The following SLC1A2 variants were observed in gnomAD, a reference collection of about 807,000 sequenced individuals.
SLC1A2 encodes the protein solute carrier family 1 member 2.
A neutral mutation model predicts 48.8 loss-of-function variants in SLC1A2; 15 were observed. The ratio of observed to expected loss-of-function variants is 0.31; its 90% CI spans 0.21 to 0.47. The LOEUF (loss-of-function observed/expected upper bound fraction) is 0.47, where lower values mean the gene tolerates loss of function less well. Ranked by LOEUF, SLC1A2 falls within the 20% of genes least tolerant of loss-of-function variation. The probability of loss-of-function intolerance (pLI) is 0.99; values close to 1 mark genes in which losing one functional copy is unlikely to be tolerated. For synonymous variants in SLC1A2, 279 were observed against 272.6 expected (o/e 1.02, Z -0.23); for missense variants, 502 against 730.5 (o/e 0.69, Z 3.61).
chr11:35,302,044 T>C (rs1231569067), intron 5 of SLC1A2, among the ~76,000 whole-genome samples: 1 of 152,226 alleles, frequency 6.6e-6, no homozygotes, highest in African/African-American at 2.4e-5. Flanking sequence ...GGAGCCAATA[T>C]TGGAATAGCA....
chr11:35,315,290 T>G, intron 2 of SLC1A2, 115 bp from the exon 3 acceptor site: 1 of 692,670 alleles, frequency 1.4e-6, no homozygotes, highest in South Asian at 2.0e-5. Flanking sequence ...TATTAAATGA[T>G]GAACAATGTG....
chr11:35,361,384 T>C lies in SLC1A2; in HGVS notation c.18-43868A>G, dbSNP rs1437653076. On this transcript the variant is annotated intron_variant, in intron 1 of 10. Coordinates refer to ENST00000278379, the MANE Select transcript of SLC1A2 (RefSeq NM_004171.4). ...TTATTTTTCTTATGTAAGAACTATA[T>C]AGATGTATGGATTTATTGATCCAAG... 3.9e-5 allele frequency among the ~76,000 whole-genome samples: 6 copies of C among 152,250 alleles called. No homozygotes were observed. The East Asian group carries it at 7.7e-4, about 20-fold the overall frequency.
chr11:35,369,702 T>C (rs2135160602), intron 1 of SLC1A2, among the ~76,000 whole-genome samples: 1 of 152,348 alleles, frequency 6.6e-6, no homozygotes, highest in South Asian at 2.1e-4. Context: ...TTTTATTGAC[T>C]GCCTCTTAAG....
intron 1 of SLC1A2, among the ~76,000 whole-genome samples, chr11:35,382,032 T>C (rs1196858201): frequency 2.0e-5 from 3 of 152,198 alleles, no homozygotes; most frequent in African/African-American, 7.2e-5. Flanking sequence ...ACAACAACCT[T>C]ATGAAGCAGG....
At chr11:35,381,431 A>G (rs1051010899) in intron 1 of SLC1A2, among the ~76,000 whole-genome samples, 5 of 152,192 alleles carry the variant, frequency 3.3e-5, no homozygotes, top group Non-Finnish European at 7.3e-5. Context: ...CAACCAAAAG[A>G]TGGGGAGAGT....
chr11:35,413,115 A>T (rs1001525), intron 1 of SLC1A2, among the ~76,000 whole-genome samples: 35,132 of 152,152 alleles, frequency 0.23, 5,327 homozygotes, highest in African/African-American at 0.43. Context: ...ATCTCTCAAT[A>T]ACTTCCTTGG....
chr11:35,379,789 C>T (rs547242786), intron 1 of SLC1A2, among the ~76,000 whole-genome samples: 8 of 152,312 alleles, frequency 5.3e-5, no homozygotes, highest in African/African-American at 1.9e-4. Flanking sequence ...CAATTGAAAG[C>T]TTGATCTGAG....
intron 9 of SLC1A2, among the ~76,000 whole-genome samples, chr11:35,268,272 A>G (rs1570214): frequency 0.38 from 57,599 of 152,066 alleles, 11,122 homozygotes; most frequent in South Asian, 0.53. Flanking sequence ...TGATCTCATA[A>G]CCCAGAATAA....
At chr11:35,387,897 T>C (rs1216423622) in intron 1 of SLC1A2, among the ~76,000 whole-genome samples, 2 of 152,352 alleles carry the variant, frequency 1.3e-5, no homozygotes, top group African/African-American at 2.4e-5. Context: ...CAAAAATTCA[T>C]ATATAAAAGC....
Position 35,277,777 on chromosome 11 carries a change from G to A in SLC1A2, c.1421+3090C>T, listed in dbSNP as rs188097100. Among the ~76,000 whole-genome samples, 34 of 104,228 alleles carry A rather than the reference G, an allele frequency of 3.3e-4. 1 individual carries two copies. The East Asian group carries it at 7.4e-3, about 23-fold the overall frequency. 68.4% of individuals were successfully genotyped at this position (104,228 alleles called of 152,430 possible). Reference sequence around the variant, plus strand: ...TGGCTTCCTTCGTCTTTCTTTTCATGTGGATGGACCCAATTATCACACAGC... The same window carrying A: ...TGGCTTCCTTCGTCTTTCTTTTCATATGGATGGACCCAATTATCACACAGC... On this transcript the variant is annotated intron_variant, in intron 9 of 10. Transcript: ENST00000278379.
In SLC1A2 at chr11:35,312,131, A is replaced by T. The variant is rs1342516530; in HGVS notation, c.561+67T>A. 11 of 1,534,862 alleles carry T rather than the reference A, an allele frequency of 7.2e-6. No individual in the cohort carries two copies. The East Asian group carries it at 2.3e-4, about 31-fold the overall frequency. ...CTACCCAGAGTTGGTCTGTTAAAATACTCTTAAGTTATCGCCTTGATAACT... is the reference window on the plus strand; with the variant it reads ...CTACCCAGAGTTGGTCTGTTAAAATTCTCTTAAGTTATCGCCTTGATAACT... On this transcript the variant is annotated intron_variant, in intron 4 of 10. Coordinates refer to ENST00000278379, the MANE Select transcript of SLC1A2 (RefSeq NM_004171.4).
chr11:35,388,826 C>A (rs1027337665), intron 1 of SLC1A2, among the ~76,000 whole-genome samples: 1 of 152,164 alleles, frequency 6.6e-6, no homozygotes, highest in Non-Finnish European at 1.5e-5. Flanking sequence ...GTGGAATTAC[C>A]CTAAATGAAC....
chr11:35,370,516 A>G (rs1854021383), intron 1 of SLC1A2, among the ~76,000 whole-genome samples: 1 of 152,196 alleles, frequency 6.6e-6, no homozygotes. Flanking sequence ...TCACCAAGAG[A>G]AAAGAAGACT....
At chr11:35,411,713 TTC>T (rs3049545) in intron 1 of SLC1A2, among the ~76,000 whole-genome samples, 104,618 of 151,896 alleles carry the variant, frequency 0.69, 36,589 homozygotes, top group African/African-American at 0.81. Context: ...TTTTCTTCTT[TTC>T]TCTGTTTTCT....
In SLC1A2 at chr11:35,382,278, G is replaced by C. The variant is rs546631702; in HGVS notation, c.17+36672C>G. On this transcript the variant is annotated intron_variant, in intron 1 of 10. Transcript: ENST00000278379. ...TCCCTGTGGTCCTTGTCAACCTGTCGATATTTTCACTATTACAGAGATTCT... is the reference window on the plus strand; with the variant it reads ...TCCCTGTGGTCCTTGTCAACCTGTCCATATTTTCACTATTACAGAGATTCT... Among the ~76,000 whole-genome samples the C allele has an allele frequency of 1.1e-4, 17 of 152,226 alleles. No homozygotes were observed. In the South Asian group the frequency reaches 2.9e-3, roughly 26 times the overall value.
intron 1 of SLC1A2, among the ~76,000 whole-genome samples, chr11:35,409,364 G>T (rs976434378): frequency 6.6e-6 from 1 of 152,154 alleles, no homozygotes; most frequent in Admixed American, 6.5e-5. Context: ...GAAAATGGCT[G>T]CTGTCAACAC....
chr11:35,374,697 T>C (rs374720604), intron 1 of SLC1A2, among the ~76,000 whole-genome samples: 2 of 152,246 alleles, frequency 1.3e-5, no homozygotes, highest in African/African-American at 4.8e-5. Context: ...ACTCACCTTC[T>C]AGATTTTTTA....
chr11:35,383,641 A>G (rs1032701543), intron 1 of SLC1A2, among the ~76,000 whole-genome samples: 1 of 152,246 alleles, frequency 6.6e-6, no homozygotes, highest in Non-Finnish European at 1.5e-5. Flanking sequence ...AGATCACACA[A>G]GCTAACATAC....
chr11:35,383,082 C>G (rs1780169235), intron 1 of SLC1A2, among the ~76,000 whole-genome samples: 1 of 152,084 alleles, frequency 6.6e-6, no homozygotes, highest in Non-Finnish European at 1.5e-5. Context: ...AGTAAGGGAT[C>G]AGTTAAGTCA....
Sources: gnomAD v4.1 joint callset for allele counts (sites outside exome capture counted in the v4.1 genomes callset) on GRCh38, gnomAD v4.1.1 for gene constraint, MANE v1.5 for transcripts, NCBI Gene and HGNC (gene_info 2026-07-23, HGNC 2026-07-21) for gene names.